Variants in TRDN observed in about 807,000 individuals in gnomAD.
The protein encoded by TRDN is triadin in skeletal muscle.
Under a neutral mutation model 149.7 loss-of-function variants are expected in TRDN, and 161 were observed. The ratio of observed to expected loss-of-function variants is 1.08; its 90% CI spans 0.95 to 1.23. The LOEUF is 1.23. TRDN is among the 50% of genes most tolerant of loss of function. The pLI is 0.00. For synonymous variants in TRDN, 294 were observed against 250.5 expected (o/e 1.17, Z -1.64); for missense variants, 896 against 823.5 (o/e 1.09, Z -1.08).
At chr6:123,460,395 T>G (rs1776380968) in intron 10 of TRDN, among the ~76,000 whole-genome samples, 1 of 152,166 alleles carries the variant, frequency 6.6e-6, no homozygotes, top group African/African-American at 2.4e-5. Context: ...TATCTAACTG[T>G]GCTAGAAAAT....
At chr6:123,330,196 T>C (rs553806480) in intron 23 of TRDN, among the ~76,000 whole-genome samples, 15 of 152,208 alleles carry the variant, frequency 9.9e-5, no homozygotes, top group African/African-American at 3.4e-4. Context: ...CTTTTAAAAA[T>C]ATTTCCACCT....
chr6:123,304,218 A>T (rs1469851668), intron 24 of TRDN, among the ~76,000 whole-genome samples: 1 of 151,212 alleles, frequency 6.6e-6, no homozygotes, highest in Non-Finnish European at 1.5e-5. Context: ...AACTGTGAAA[A>T]TTTTGTATAT....
intron 24 of TRDN, among the ~76,000 whole-genome samples, chr6:123,305,554 A>C (rs1486812852): frequency 6.6e-6 from 1 of 152,156 alleles, no homozygotes; most frequent in East Asian, 1.9e-4. Context: ...TGGTATATGA[A>C]ACACAGAAAG....
chr6:123,325,219 A>G (rs1347084084), intron 23 of TRDN, among the ~76,000 whole-genome samples: 1 of 152,128 alleles, frequency 6.6e-6, no homozygotes, highest in African/African-American at 2.4e-5. Flanking sequence ...TTCAGCATAA[A>G]AATCTTGGCT....
At chr6:123,409,791 T>C (rs1327565415) in intron 12 of TRDN, among the ~76,000 whole-genome samples, 1 of 152,120 alleles carries the variant, frequency 6.6e-6, no homozygotes, top group Non-Finnish European at 1.5e-5. Flanking sequence ...ATAGAGATTT[T>C]ATGAAATTCA....
intron 9 of TRDN, chr6:123,489,673 A>C (rs565489988): frequency 6.6e-6 from 1 of 152,242 alleles, no homozygotes; most frequent in South Asian, 2.1e-4. Flanking sequence ...TTTCATCAAC[A>C]TAGGAACTGT....
At chr6:123,223,718 T>TTCCTTCCG (rs1775244844) in intron 39 of TRDN, among the ~76,000 whole-genome samples, 1 of 147,888 alleles carries the variant, frequency 6.8e-6, no homozygotes. Context: ...CCTTCCTTCC[T>TTCCTTCCG]TCCTTCCTTC....
chr6:123,565,273 C>T (rs759514305), intron 2 of TRDN, among the ~76,000 whole-genome samples: 3 of 152,144 alleles, frequency 2.0e-5, no homozygotes, highest in Non-Finnish European at 4.4e-5. Flanking sequence ...CTTTCTAAGC[C>T]TCTAGCCTCA....
intron 10 of TRDN, 108 bp from the exon 11 acceptor site, chr6:123,439,111 T>C (rs1009184729): frequency 1.3e-6 from 1 of 758,296 alleles, no homozygotes; most frequent in Non-Finnish European, 2.1e-6. Flanking sequence ...CAGCTAGCTT[T>C]GTGACTGAGC....
At chr6:123,258,082 A>G (rs1333103204) in intron 35 of TRDN, among the ~76,000 whole-genome samples, 1 of 152,218 alleles carries the variant, frequency 6.6e-6, no homozygotes, top group African/African-American at 2.4e-5. Context: ...ATCTGCAAAC[A>G]GTAACAATTT....
At chr6:123,416,615 C>T (rs1773658754) in intron 12 of TRDN, among the ~76,000 whole-genome samples, 1 of 152,108 alleles carries the variant, frequency 6.6e-6, no homozygotes, top group African/African-American at 2.4e-5. Flanking sequence ...ACTACATGCC[C>T]TTTATGATTT....
chr6:123,343,608 C>T lies in TRDN; in HGVS notation c.1370-5939G>A, dbSNP rs936199718. On this transcript the variant is annotated intron_variant, in intron 21 of 40. Coordinates refer to ENST00000334268, the MANE Select transcript of TRDN (RefSeq NM_006073.4). ...ATTTCAAAATATACTTCAAAATTAACTTAGTGAACTGGACTAATTCTTCGA... is the reference window on the plus strand; with the variant it reads ...ATTTCAAAATATACTTCAAAATTAATTTAGTGAACTGGACTAATTCTTCGA... 6.6e-5 allele frequency among the ~76,000 whole-genome samples: 10 copies of T among 152,000 alleles called. No individual in the cohort carries two copies. The East Asian group carries it at 1.7e-3, about 26-fold the overall frequency.
At chr6:123,589,260 T>C (rs1333369994) in intron 1 of TRDN, among the ~76,000 whole-genome samples, 3 of 152,182 alleles carry the variant, frequency 2.0e-5, no homozygotes, top group Non-Finnish European at 2.9e-5. Context: ...CAAATATCAT[T>C]TGAATAAGAT....
At chr6:123,260,692 A>G in intron 33 of TRDN, 54 bp from the exon 34 acceptor site, 1 of 1,354,866 alleles carries the variant, frequency 7.4e-7, no homozygotes, top group Non-Finnish European at 9.8e-7. Context: ...AAATAAAAAG[A>G]AAAAGTATAG....
intron 16 of TRDN, among the ~76,000 whole-genome samples, chr6:123,380,883 A>C (rs1299202841): frequency 6.6e-6 from 1 of 152,092 alleles, no homozygotes; most frequent in African/African-American, 2.4e-5. Flanking sequence ...ACCCTATTAG[A>C]CAGAGCTCAT....
chr6:123,605,660 A>G (rs1268423972), intron 1 of TRDN, among the ~76,000 whole-genome samples: 1 of 151,808 alleles, frequency 6.6e-6, no homozygotes, highest in Non-Finnish European at 1.5e-5. Flanking sequence ...GCTACTCAGG[A>G]GACTGAGGCA....
At chr6:123,350,598 A>G in intron 21 of TRDN, 1 of 714,168 alleles carries the variant, frequency 1.4e-6, no homozygotes, top group Middle Eastern at 7.4e-4. Flanking sequence ...TGTCATTATT[A>G]CTTCTCATAT....
intron 9 of TRDN, chr6:123,470,795 TG>T (rs917428629): frequency 2.0e-5 from 3 of 152,214 alleles, no homozygotes; most frequent in African/African-American, 7.2e-5. Flanking sequence ...GGATATTAGC[TG>T]TATCAGATCA....
intron 5 of TRDN, among the ~76,000 whole-genome samples, chr6:123,518,745 T>C (rs1779531242): frequency 6.6e-6 from 1 of 152,180 alleles, no homozygotes; most frequent in African/African-American, 2.4e-5. Flanking sequence ...GCTAGCATTT[T>C]ATTATCCCCC....
Sources: allele counts gnomAD v4.1 joint callset (sites outside exome capture counted in the v4.1 genomes callset), GRCh38; gene constraint gnomAD v4.1.1; transcripts MANE v1.5; gene names NCBI Gene and HGNC (gene_info 2026-07-23, HGNC 2026-07-21).